CMIP: variants seen among roughly 807,000 people sequenced by gnomAD.
The protein encoded by CMIP is c-Maf inducing protein.
Under a neutral mutation model 97.3 loss-of-function variants are expected in CMIP, and 13 were observed. The observed-to-expected ratio is 0.13, with a 90% CI of 0.09 to 0.21. The LOEUF is 0.21. CMIP is among the 10% of genes least tolerant of loss of function. The pLI is 1.00. For synonymous variants in CMIP, 538 were observed against 436.3 expected (o/e 1.23, Z -2.91); for missense variants, 847 against 1,024.9 (o/e 0.83, Z 2.37).
chr16:81,576,698 A>G (rs989659906), intron 1 of CMIP, among the ~76,000 whole-genome samples: 6 of 152,108 alleles, frequency 3.9e-5, no homozygotes, highest in Non-Finnish European at 4.4e-5. Context: ...ATGTCTCCTA[A>G]GCCTAGTGCA....
At chr16:81,559,639 G>A (rs889329526) in intron 1 of CMIP, among the ~76,000 whole-genome samples, 3 of 152,074 alleles carry the variant, frequency 2.0e-5, no homozygotes, top group African/African-American at 4.8e-5. Context: ...GTTGGTGGTG[G>A]TGCTGGTGTA....
chr16:81,497,541 C>T (rs1308171290), intron 1 of CMIP, among the ~76,000 whole-genome samples: 7 of 152,208 alleles, frequency 4.6e-5, no homozygotes, highest in Admixed American at 2.0e-4. Context: ...TTGAGCCCTA[C>T]GGGGCCTTAG....
At chr16:81,573,850 C>G (rs2091140532) in intron 1 of CMIP, among the ~76,000 whole-genome samples, 1 of 152,138 alleles carries the variant, frequency 6.6e-6, no homozygotes, top group Non-Finnish European at 1.5e-5. Context: ...GGCAGTTGTT[C>G]AAGAATGTGA....
chr16:81,647,316 G>A (rs1379952319), intron 3 of CMIP, among the ~76,000 whole-genome samples: 3 of 152,168 alleles, frequency 2.0e-5, no homozygotes, highest in African/African-American at 7.2e-5. Flanking sequence ...AATATTTGGG[G>A]CTTTGTGGGC....
chr16:81,456,093 C>T (rs1243953228), intron 1 of CMIP, among the ~76,000 whole-genome samples: 3 of 152,174 alleles, frequency 2.0e-5, no homozygotes, highest in African/African-American at 7.2e-5. Context: ...TTTCACGACC[C>T]TGTGACTGAG....
intron 1 of CMIP, among the ~76,000 whole-genome samples, chr16:81,535,858 C>T (rs1290058334): frequency 1.3e-5 from 2 of 152,168 alleles, no homozygotes; most frequent in Non-Finnish European, 2.9e-5. Flanking sequence ...AGCATTCCCA[C>T]AAGCTCCTAG....
intron 2 of CMIP, chr16:81,618,742 A>G (rs78961618): frequency 0.1 from 15,748 of 152,336 alleles, 957 homozygotes; most frequent in Middle Eastern, 0.19. Context: ...TTGTTGTTCC[A>G]GAGAGCCTGA....
At chr16:81,474,491 G>A (rs1376777914) in intron 1 of CMIP, among the ~76,000 whole-genome samples, 2 of 152,162 alleles carry the variant, frequency 1.3e-5, no homozygotes, top group Admixed American at 1.3e-4. Flanking sequence ...AGGGGTTCAT[G>A]GTGGCTTCTC....
intron 12 of CMIP, 85 bp downstream of exon 12, chr16:81,693,269 G>A: frequency 7.1e-7 from 1 of 1,413,982 alleles, no homozygotes; most frequent in Admixed American, 1.9e-5. Context: ...CATGCATTCT[G>A]GGAGGCAGTG....
At chr16:81,517,368 A>T (rs2089937238) in intron 1 of CMIP, among the ~76,000 whole-genome samples, 1 of 152,290 alleles carries the variant, frequency 6.6e-6, no homozygotes, top group Non-Finnish European at 1.5e-5. Context: ...TGCAGCAATG[A>T]AAAAGAATGA....
At chr16:81,493,576 G>C (rs1192088176) in intron 1 of CMIP, among the ~76,000 whole-genome samples, 1 of 152,366 alleles carries the variant, frequency 6.6e-6, no homozygotes, top group East Asian at 1.9e-4. Flanking sequence ...CATGGCGCAA[G>C]CCACCCGGGC....
chr16:81,473,752 G>A (rs908756120), intron 1 of CMIP, among the ~76,000 whole-genome samples: 1 of 151,632 alleles, frequency 6.6e-6, no homozygotes, highest in Non-Finnish European at 1.5e-5. Context: ...GAAGCTGCAA[G>A]CGGATGACCC....
intron 13 of CMIP, 181 bp from the exon 14 acceptor site, chr16:81,696,379 T>C: frequency 1.5e-6 from 1 of 654,286 alleles, no homozygotes; most frequent in Non-Finnish European, 2.7e-6. Flanking sequence ...CCACGGTATT[T>C]CCCGAAAGAC....
At chr16:81,486,167 G>A (rs534121068) in intron 1 of CMIP, among the ~76,000 whole-genome samples, 1 of 152,346 alleles carries the variant, frequency 6.6e-6, no homozygotes, top group Admixed American at 6.5e-5. Context: ...TCACATGAAC[G>A]GGCTTAGGGG....
intron 1 of CMIP, among the ~76,000 whole-genome samples, chr16:81,454,628 C>T (rs944352963): frequency 1.3e-5 from 2 of 152,200 alleles, no homozygotes; most frequent in African/African-American, 4.8e-5. Context: ...TGTTCTGGGG[C>T]ACTGTTCTTG....
intron 9 of CMIP, among the ~76,000 whole-genome samples, chr16:81,672,962 C>CTTGGGATT (rs1208538295): frequency 6.6e-5 from 10 of 152,192 alleles, no homozygotes; most frequent in Non-Finnish European, 1.5e-4. Flanking sequence ...CTTGGGGCTT[C>CTTGGGATT]CATTCTACCA....
intron 7 of CMIP, 136 bp from the exon 8 acceptor site, chr16:81,670,006 G>T: frequency 2.7e-6 from 2 of 728,468 alleles, no homozygotes; most frequent in Non-Finnish European, 4.5e-6. Context: ...CCAGAGGGTT[G>T]GTGTCTCCCC....
intron 1 of CMIP, among the ~76,000 whole-genome samples, chr16:81,588,787 G>T (rs751181866): frequency 6.6e-6 from 1 of 152,078 alleles, no homozygotes. Context: ...TGCTGTACAC[G>T]CTGACATTCA....
At chr16:81,567,171 C>T (rs4889340) in intron 1 of CMIP, among the ~76,000 whole-genome samples, 81,366 of 152,170 alleles carry the variant, frequency 0.53, 22,835 homozygotes, top group Non-Finnish European at 0.62. Context: ...GCCATGTGTC[C>T]GGCTGGGAGG....
Sources: allele counts gnomAD v4.1 joint callset (sites outside exome capture counted in the v4.1 genomes callset), GRCh38; gene constraint gnomAD v4.1.1; transcripts MANE v1.5; gene names NCBI Gene and HGNC (gene_info 2026-07-23, HGNC 2026-07-21).